ARHGAP10: variants seen among roughly 807,000 people sequenced by gnomAD.
ARHGAP10 encodes Rho GTPase activating protein 10.
Under a neutral mutation model 108.6 loss-of-function variants are expected in ARHGAP10, and 87 were observed. The observed-to-expected ratio is 0.80, with a 90% CI of 0.67 to 0.96. The LOEUF is 0.96. Among genes scored for constraint, ARHGAP10 ranks in the 40% least tolerant of loss-of-function variants. The pLI is 0.00. For synonymous variants in ARHGAP10, 347 were observed against 341.1 expected, an observed-to-expected ratio of 1.02 and a Z score of -0.19; for missense variants, 939 against 954.5, an observed-to-expected ratio of 0.98 and a Z score of 0.21.
chr4:148,046,977 C>T lies in ARHGAP10; in HGVS notation c.1953C>T (p.Val651=). The T allele has an allele frequency of 6.2e-7, 1 of 1,614,162 alleles. No individual in the cohort carries two copies. Among genetic ancestry groups the T allele is most frequent in the Non-Finnish European group, 8.5e-7 (1 of 1,180,016 alleles). Residue 651 remains valine (V), a synonymous_variant, in exon 20 of 23, where the codon GTC becomes GTT. Coordinates refer to ENST00000336498, the MANE Select transcript of ARHGAP10 (RefSeq NM_024605.4). ...CCCCGTCTCCCGTGACTACAGCTGT[C>T]CCTGGGCCTCCTGGACCAGACAAAA... ...LSSPSPVTTA[V]PGPPGPDKNH...
intron 14 of ARHGAP10, 141 bp from the exon 15 acceptor site, chr4:147,946,476 G>T (rs970556982): frequency 8.2e-6 from 5 of 609,800 alleles, no homozygotes; most frequent in African/African-American, 7.5e-5. Context: ...GTATTTTAGA[G>T]AAATCATATA....
intron 19 of ARHGAP10, among the ~76,000 whole-genome samples, chr4:148,023,903 C>G (rs898361089): frequency 1.1e-4 from 16 of 152,216 alleles, no homozygotes; most frequent in African/African-American, 3.9e-4. Context: ...GGCAGGTTGA[C>G]CTGCCTACCT....
chr4:148,064,069 A>G (rs1729748524), intron 21 of ARHGAP10, among the ~76,000 whole-genome samples: 1 of 152,054 alleles, frequency 6.6e-6, no homozygotes, highest in Non-Finnish European at 1.5e-5. Context: ...TGCTTTTCCT[A>G]ATAGACCAAC....
At chr4:147,897,183 C>A (rs1215984368) in intron 10 of ARHGAP10, among the ~76,000 whole-genome samples, 1 of 151,456 alleles carries the variant, frequency 6.6e-6, no homozygotes, top group African/African-American at 2.4e-5. Flanking sequence ...ACAGCATATA[C>A]TTGAGTTCTG....
At chr4:147,939,642 C>T (rs1339623047) in intron 13 of ARHGAP10, among the ~76,000 whole-genome samples, 183 bp from the exon 14 acceptor site, 2 of 152,006 alleles carry the variant, frequency 1.3e-5, no homozygotes, top group Non-Finnish European at 2.9e-5. Context: ...TTTTTTTAAC[C>T]ACAACTTACA....
chr4:147,991,813 G>T (rs1407898989), intron 18 of ARHGAP10, among the ~76,000 whole-genome samples: 4 of 152,160 alleles, frequency 2.6e-5, no homozygotes, highest in Non-Finnish European at 5.9e-5. Flanking sequence ...TTTTCTGCAC[G>T]CTGAGTACCT....
intron 19 of ARHGAP10, among the ~76,000 whole-genome samples, chr4:148,028,527 C>T (rs1041257162): frequency 6.6e-6 from 1 of 152,130 alleles, no homozygotes; most frequent in Admixed American, 6.5e-5. Context: ...TAACGTCTGG[C>T]ACATAGTAAG....
rs559828866 is a variant in ARHGAP10, at chr4:148,036,473, A to T, written c.1868-10419A>T. Reference sequence around the variant, plus strand: ...GTTACCTCCATGTTGTTATTGTGATAGTGAGTGACTTCTCACGAGATCTGA... The same window carrying T: ...GTTACCTCCATGTTGTTATTGTGATTGTGAGTGACTTCTCACGAGATCTGA... On this transcript the variant is annotated intron_variant, in intron 19 of 22. Coordinates refer to ENST00000336498, the MANE Select transcript of ARHGAP10 (RefSeq NM_024605.4). Among the ~76,000 whole-genome samples, 6 of 152,302 alleles carry T rather than the reference A, an allele frequency of 3.9e-5. No individual in the cohort carries two copies. In the East Asian group the frequency reaches 5.8e-4, roughly 15 times the overall value.
chr4:147,976,468 C>G (rs1326759381), intron 18 of ARHGAP10, among the ~76,000 whole-genome samples: 7 of 151,816 alleles, frequency 4.6e-5, no homozygotes, highest in Non-Finnish European at 1.0e-4. Context: ...TTTTCAGACT[C>G]CCCCCCATCC....
chr4:147,913,499 T>C (rs1026152294), intron 13 of ARHGAP10, among the ~76,000 whole-genome samples: 1 of 152,170 alleles, frequency 6.6e-6, no homozygotes, highest in African/African-American at 2.4e-5. Flanking sequence ...TCAAGGTTTC[T>C]TCTGAGGCCT....
intron 18 of ARHGAP10, among the ~76,000 whole-genome samples, chr4:147,996,096 A>G (rs1156585966): frequency 6.6e-6 from 1 of 152,164 alleles, no homozygotes; most frequent in East Asian, 1.9e-4. Context: ...TCTTCTTTAG[A>G]AGTAGGTGCA....
At chr4:147,774,908 A>G (rs1222727778) in intron 1 of ARHGAP10, among the ~76,000 whole-genome samples, 15 of 138,454 alleles carry the variant, frequency 1.1e-4, no homozygotes, top group Non-Finnish European at 2.2e-4. Context: ...TCCTTGATGT[A>G]TTTTTTTTTT....
intron 3 of ARHGAP10, among the ~76,000 whole-genome samples, chr4:147,840,508 T>C (rs965141168): frequency 2.2e-4 from 33 of 152,318 alleles, no homozygotes; most frequent in African/African-American, 7.2e-4. Flanking sequence ...GTAACCATGC[T>C]ATTGAGGTAA....
chr4:147,842,796 A>G (rs1335059165), intron 3 of ARHGAP10, among the ~76,000 whole-genome samples: 1 of 152,184 alleles, frequency 6.6e-6, no homozygotes, highest in Non-Finnish European at 1.5e-5. Context: ...ACGTGTTCAC[A>G]TCTCTTAGAA....
At chr4:148,030,735 T>G (rs1349850616) in intron 19 of ARHGAP10, among the ~76,000 whole-genome samples, 1 of 152,186 alleles carries the variant, frequency 6.6e-6, no homozygotes, top group Non-Finnish European at 1.5e-5. Context: ...TCAGTTGTCT[T>G]CAGTTGGCTT....
At chr4:147,892,492 T>G (rs1360340091) in intron 10 of ARHGAP10, among the ~76,000 whole-genome samples, 1 of 152,030 alleles carries the variant, frequency 6.6e-6, no homozygotes, top group African/African-American at 2.4e-5. Flanking sequence ...GACTTGAAAT[T>G]GAGGGAACTC....
At chr4:147,923,835 C>T (rs1476344059) in intron 13 of ARHGAP10, among the ~76,000 whole-genome samples, 1 of 152,164 alleles carries the variant, frequency 6.6e-6, no homozygotes, top group African/African-American at 2.4e-5. Flanking sequence ...CAGTATTAAT[C>T]TTCAGGGGTA....
intron 19 of ARHGAP10, among the ~76,000 whole-genome samples, chr4:148,032,151 A>G (rs1441152004): frequency 6.6e-6 from 1 of 152,108 alleles, no homozygotes; most frequent in Non-Finnish European, 1.5e-5. Flanking sequence ...ATATATTACC[A>G]TATATGAAAA....
intron 1 of ARHGAP10, among the ~76,000 whole-genome samples, chr4:147,774,185 T>C (rs1195152166): frequency 6.6e-6 from 1 of 152,250 alleles, no homozygotes; most frequent in East Asian, 1.9e-4. Flanking sequence ...TTGACTCTTA[T>C]TATCTTGGTA....
Sources: allele counts gnomAD v4.1 joint callset (sites outside exome capture counted in the v4.1 genomes callset), GRCh38; gene constraint gnomAD v4.1.1; transcripts MANE v1.5; gene names NCBI Gene and HGNC (gene_info 2026-07-23, HGNC 2026-07-21).